ETV6: variants seen among roughly 807,000 people sequenced by gnomAD.
ETV6 encodes ETS variant transcription factor 6, also known as transcription factor ETV6.
ETV6 carries 16 observed loss-of-function variants against 51.1 expected under a neutral mutation model. The ratio of observed to expected loss-of-function variants is 0.31; its 90% CI spans 0.21 to 0.48. The LOEUF (loss-of-function observed/expected upper bound fraction) is 0.48, where lower values mean the gene tolerates loss of function less well. ETV6 is among the 20% of genes least tolerant of loss of function. ETV6 has a pLI of 0.99. For missense variants in ETV6, 458 were observed against 594.8 expected (o/e 0.77, Z 2.39); for synonymous variants, 240 against 224.1 (o/e 1.07, Z -0.64).
chr12:11,721,336 G>C (rs1049726598), intron 1 of ETV6, among the ~76,000 whole-genome samples: 14 of 152,162 alleles, frequency 9.2e-5, no homozygotes, highest in Non-Finnish European at 5.9e-5. Flanking sequence ...CAGTGGATTT[G>C]ATTTTGTTTT....
intron 1 of ETV6, among the ~76,000 whole-genome samples, chr12:11,660,579 A>G (rs1220914047): frequency 7.4e-6 from 1 of 135,198 alleles, no homozygotes; most frequent in Non-Finnish European, 1.6e-5. Flanking sequence ...AGCCTGGGCG[A>G]CAGAGTGAGA....
intron 6 of ETV6, 122 bp from the exon 7 acceptor site, chr12:11,885,804 T>C: frequency 1.5e-6 from 1 of 668,768 alleles, no homozygotes; most frequent in Non-Finnish European, 2.6e-6. Flanking sequence ...CTTCCCAAAC[T>C]GGCAGGGCCA....
intron 1 of ETV6, among the ~76,000 whole-genome samples, chr12:11,652,953 G>A (rs1159926514): frequency 6.6e-6 from 1 of 152,136 alleles, no homozygotes; most frequent in African/African-American, 2.4e-5. Context: ...CGGTAGAAGA[G>A]AGGTTGACTA....
rs182952546 is a variant in ETV6, at chr12:11,773,881, T to C, written c.163+21302T>C. Among the ~76,000 whole-genome samples, 4 of 152,314 alleles carry C rather than the reference T, an allele frequency of 2.6e-5. No individual in the cohort carries two copies. The East Asian group carries it at 7.7e-4, about 29-fold the overall frequency. ...ATGCCATTGTGGAGGCATCACCCGA[T>C]GTGGTGGACCTGAACATTGGGGAAA... On this transcript the variant is annotated intron_variant, in intron 2 of 7. Transcript: ENST00000396373.
intron 1 of ETV6, among the ~76,000 whole-genome samples, chr12:11,701,670 C>G (rs748315072): frequency 2.0e-5 from 3 of 152,170 alleles, no homozygotes; most frequent in Non-Finnish European, 4.4e-5. Context: ...TGAGCAGCTA[C>G]TGTGTATCAG....
At position 11,691,634 on chromosome 12, in the gene ETV6, C is replaced by T. The variant is rs190743281; in HGVS notation, c.33+41474C>T. On this transcript the variant is annotated intron_variant, in intron 1 of 7. Transcript: ENST00000396373. ...GGACTTACTTTTTTACTTAACGTCT[C>T]GACTGCCAGCATTCATGTGTATTGC... 2.6e-5 allele frequency among the ~76,000 whole-genome samples: 4 copies of T among 152,316 alleles called. No individual in the cohort carries two copies. The East Asian group carries it at 5.8e-4, about 22-fold the overall frequency.
intron 1 of ETV6, among the ~76,000 whole-genome samples, chr12:11,726,966 T>G (rs1398434449): frequency 6.6e-6 from 1 of 152,170 alleles, no homozygotes; most frequent in African/African-American, 2.4e-5. Flanking sequence ...GAAACCGAGC[T>G]TTGGGACCAA....
chr12:11,723,759 G>A (rs1795682866), intron 1 of ETV6, among the ~76,000 whole-genome samples: 1 of 152,080 alleles, frequency 6.6e-6, no homozygotes, highest in African/African-American at 2.4e-5. Context: ...TTCCCCAACT[G>A]CAGGGGCCCA....
chr12:11,727,028 C>G (rs1865501938), intron 1 of ETV6, among the ~76,000 whole-genome samples: 1 of 152,208 alleles, frequency 6.6e-6, no homozygotes, highest in Non-Finnish European at 1.5e-5. Context: ...GGATTTGAAT[C>G]TGAGTCTGCA....
intron 1 of ETV6, among the ~76,000 whole-genome samples, chr12:11,668,297 T>C (rs989267664): frequency 4.6e-5 from 7 of 152,016 alleles, no homozygotes; most frequent in Non-Finnish European, 1.0e-4. Context: ...TGTGTAGATG[T>C]GTGGGAGGGA....
intron 4 of ETV6, among the ~76,000 whole-genome samples, chr12:11,856,319 C>G (rs576325762): frequency 6.6e-6 from 1 of 152,130 alleles, no homozygotes; most frequent in Non-Finnish European, 1.5e-5. Flanking sequence ...CTAATGAGGC[C>G]GAGGTCAAGG....
chr12:11,800,745 C>T (rs1945736030), intron 2 of ETV6, among the ~76,000 whole-genome samples: 1 of 152,058 alleles, frequency 6.6e-6, no homozygotes, highest in African/African-American at 2.4e-5. Context: ...AGTTACCCCC[C>T]CAGAAAGGGG....
intron 5 of ETV6, among the ~76,000 whole-genome samples, chr12:11,876,987 G>A (rs1167536350): frequency 6.6e-6 from 1 of 152,178 alleles, no homozygotes; most frequent in African/African-American, 2.4e-5. Flanking sequence ...ATCCTTAACA[G>A]AAACAAAAAG....
At chr12:11,833,898 T>C (rs1022115743) in intron 2 of ETV6, among the ~76,000 whole-genome samples, 5 of 152,206 alleles carry the variant, frequency 3.3e-5, no homozygotes, top group African/African-American at 1.2e-4. Context: ...TGCTACAGTT[T>C]TCTCATCTGT....
At chr12:11,851,943 T>C (rs1469470905) in intron 3 of ETV6, among the ~76,000 whole-genome samples, 2 of 152,188 alleles carry the variant, frequency 1.3e-5, no homozygotes, top group East Asian at 1.9e-4. Flanking sequence ...TACAGCAATA[T>C]CTTCAATCCA....
chr12:11,752,344 T>C, intron 1 of ETV6, 106 bp from the exon 2 acceptor site: 1 of 1,209,160 alleles, frequency 8.3e-7, no homozygotes, highest in Non-Finnish European at 1.2e-6. Flanking sequence ...GTACTGCCCA[T>C]GCCCCGCCTC....
intron 2 of ETV6, among the ~76,000 whole-genome samples, chr12:11,778,913 T>C (rs1429238176): frequency 6.6e-6 from 1 of 152,232 alleles, no homozygotes; most frequent in Non-Finnish European, 1.5e-5. Flanking sequence ...GCCCCCTTAT[T>C]GTAGCTTCTT....
Position 11,891,791 on chromosome 12 carries a change from C to T in ETV6, c.*745C>T. 3 of 349,080 alleles carry T rather than the reference C, an allele frequency of 8.6e-6. No homozygotes were observed. Among genetic ancestry groups the T allele is most frequent in the Non-Finnish European group, 1.7e-5 (3 of 179,344 alleles). 21.6% of individuals were successfully genotyped at this position (349,080 alleles called of 1,614,324 possible). On this transcript the variant is annotated 3_prime_UTR_variant, in exon 8 of 8. Transcript: ENST00000396373. ...TTGGCACCTAAACAGAATCAGTGAC[C>T]CGGGTGCTTTGTGGCCAGCAGCACA...
intron 1 of ETV6, among the ~76,000 whole-genome samples, chr12:11,698,506 T>C (rs2724655): frequency 0.98 from 148,550 of 152,304 alleles, 72,541 homozygotes; most frequent in East Asian, 1. Flanking sequence ...CAGAGGATTT[T>C]AGTTTCTTAC....
Sources: gnomAD v4.1 joint callset for allele counts (sites outside exome capture counted in the v4.1 genomes callset) on GRCh38, gnomAD v4.1.1 for gene constraint, MANE v1.5 for transcripts, NCBI Gene and HGNC (gene_info 2026-07-23, HGNC 2026-07-21) for gene names.